Variants in ZNF782 observed in about 807,000 individuals in gnomAD.
ZNF782 encodes the protein zinc finger protein 782.
In ZNF782, 12 loss-of-function variants were observed where a neutral mutation model predicts 13.0. The ratio of observed to expected loss-of-function variants is 0.92; its 90% confidence interval spans 0.59 to 1.50. ZNF782 has a LOEUF of 1.50. Ranked by LOEUF, ZNF782 falls within the 40% of genes most tolerant of loss-of-function variation. ZNF782 has a pLI of 0.00. For synonymous variants in ZNF782, 284 were observed against 283.0 expected (o/e 1.00, Z -0.04); for missense variants, 770 against 822.9 (o/e 0.94, Z 0.79).
the ZNF782 span, chr9:96,933,558 G>A: frequency 2.0e-5 from 3 of 151,948 alleles, no homozygotes; most frequent in Non-Finnish European, 4.4e-5. Flanking sequence ...TTTTTTAGTA[G>A]AGACGGGGTT....
At chr9:96,915,638 TAAG>T in the ZNF782 span, among the ~76,000 whole-genome samples, 1 of 150,346 alleles carries the variant, frequency 6.7e-6, no homozygotes, top group Non-Finnish European at 1.5e-5. Context: ...AGCTGAGACT[TAAG>T]GAGGTGGCAT....
At chr9:96,863,268 A>G (rs1851723814) in intron 1 of ZNF782, among the ~76,000 whole-genome samples, 1 of 152,080 alleles carries the variant, frequency 6.6e-6, no homozygotes, top group African/African-American at 2.4e-5. Flanking sequence ...TTTCAGGAAC[A>G]TTACTAATTA....
At chr9:96,877,099 G>C (rs182636601), upstream of ZNF782, among the ~76,000 whole-genome samples, 230 of 151,714 alleles carry the variant, frequency 1.5e-3, 1 homozygote, top group African/African-American at 5.3e-3. Context: ...AGGGAAATAC[G>C]GTCATAATAT....
chr9:96,909,631 C>T, the ZNF782 span, among the ~76,000 whole-genome samples: 1 of 151,604 alleles, frequency 6.6e-6, no homozygotes, highest in African/African-American at 2.4e-5. Context: ...TTAGGAAAGC[C>T]TGAAAGTAAA....
chr9:96,895,411 C>T, the ZNF782 span: 9 of 152,252 alleles, frequency 5.9e-5, no homozygotes, highest in East Asian at 3.9e-4. Flanking sequence ...AAGTCTAACT[C>T]GAATCAAAAA....
At chr9:96,838,994 G>A (rs1307526669) in intron 4 of ZNF782, among the ~76,000 whole-genome samples, 7 of 152,150 alleles carry the variant, frequency 4.6e-5, no homozygotes, top group Middle Eastern at 3.4e-3. Context: ...GATTACAGTC[G>A]TGAGCCACAG....
intron 4 of ZNF782, among the ~76,000 whole-genome samples, chr9:96,839,666 C>T (rs185294255): frequency 1.3e-5 from 2 of 152,216 alleles, no homozygotes; most frequent in East Asian, 1.9e-4. Flanking sequence ...ACTCACCCCC[C>T]CCACCTGCTA....
At chr9:96,854,582 T>C (rs906413048), upstream of ZNF782, 5 of 152,236 alleles carry the variant, frequency 3.3e-5, no homozygotes, top group African/African-American at 1.2e-4. Flanking sequence ...CCAGACTCAT[T>C]CAGGACTACA....
chr9:96,885,813 CCCTT>C, the ZNF782 span, among the ~76,000 whole-genome samples: 36 of 151,496 alleles, frequency 2.4e-4, no homozygotes, highest in Admixed American at 6.6e-4. Flanking sequence ...TCCTTCCTTC[CCCTT>C]CCTTCCTTCC....
At chr9:96,927,802 C>T in the ZNF782 span, among the ~76,000 whole-genome samples, 1 of 148,928 alleles carries the variant, frequency 6.7e-6, no homozygotes, top group Non-Finnish European at 1.5e-5. Flanking sequence ...TAAATCTGGC[C>T]ACTATGTTCT....
At chr9:96,853,570 G>A (rs1851566539) in intron 1 of ZNF782, among the ~76,000 whole-genome samples, 1 of 152,166 alleles carries the variant, frequency 6.6e-6, no homozygotes, top group Admixed American at 6.5e-5. Context: ...CCCTGACAAT[G>A]CAGAAGGGGC....
chr9:96,918,803 C>G, the ZNF782 span: 3 of 170,000 alleles, frequency 1.8e-5, no homozygotes, highest in African/African-American at 7.2e-5. Context: ...AGGCTGAACT[C>G]AGCAGCTCAG....
intron 5 of ZNF782, among the ~76,000 whole-genome samples, chr9:96,824,444 T>C (rs1195375593): frequency 6.7e-6 from 1 of 150,142 alleles, no homozygotes; most frequent in African/African-American, 2.4e-5. Flanking sequence ...CCACAGCCAA[T>C]ATCATACTGA....
the ZNF782 span, among the ~76,000 whole-genome samples, chr9:96,918,061 G>A: frequency 2.0e-5 from 3 of 151,022 alleles, no homozygotes; most frequent in Non-Finnish European, 4.4e-5. Flanking sequence ...AATTTATTGC[G>A]CACATTTAAA....
At chr9:96,889,025 A>G in the ZNF782 span, 1 of 152,228 alleles carries the variant, frequency 6.6e-6, no homozygotes, top group Non-Finnish European at 1.5e-5. Flanking sequence ...GTCATCCAAC[A>G]TCTGCAGCCA....
intron 4 of ZNF782, among the ~76,000 whole-genome samples, chr9:96,843,281 C>A (rs544916125): frequency 1.3e-5 from 2 of 152,198 alleles, no homozygotes; most frequent in East Asian, 1.9e-4. Flanking sequence ...ATGGAAACAA[C>A]CAAAATGTCC....
chr9:96,903,696 G>A, the ZNF782 span, among the ~76,000 whole-genome samples: 1 of 150,144 alleles, frequency 6.7e-6, no homozygotes, highest in Non-Finnish European at 1.5e-5. Flanking sequence ...CCGAGTAGCT[G>A]TGACTACAGG....
rs557664406 is a variant in ZNF782, at chr9:96,817,560, A to G, written c.*363T>C. 1 of 180,358 alleles carries G rather than the reference A, an allele frequency of 5.5e-6. No individual in the cohort carries two copies. Among genetic ancestry groups the G allele is most frequent in the East Asian group, 1.5e-4 (1 of 6,618 alleles). 11.2% of individuals were successfully genotyped at this position (180,358 alleles called of 1,614,324 possible). A position where few individuals can be genotyped will look rare whatever the true frequency, so the allele number is the denominator to read the frequency against. ...CATTGTGTGATTTCTCTGATGGTGA[A>G]TGAGTTTTGATTGTTGGCACAAAGT... On this transcript the variant is annotated 3_prime_UTR_variant, in exon 6 of 6. Coordinates refer to ENST00000481138, the MANE Select transcript of ZNF782 (RefSeq NM_001001662.3).
chr9:96,854,252 G>A lies in ZNF782; in HGVS notation c.-426C>T, dbSNP rs1442399070. The A allele has an allele frequency of 3.3e-5, 5 of 152,312 alleles. No homozygotes were observed. Among genetic ancestry groups the A allele is most frequent in the African/African-American group, 4.8e-5 (2 of 41,442 alleles). 9.4% of individuals were successfully genotyped at this position (152,312 alleles called of 1,614,324 possible). On this transcript the variant is annotated 5_prime_UTR_variant, in exon 1 of 6. Coordinates refer to ENST00000481138, the MANE Select transcript of ZNF782 (RefSeq NM_001001662.3). ...GCGGCCCGCACCCGGCACCTGCTCC[G>A]GACCAACGCTCAGCCTCAGCCGCCC...
Sources: allele counts gnomAD v4.1 joint callset (sites outside exome capture counted in the v4.1 genomes callset), GRCh38; gene constraint gnomAD v4.1.1; transcripts MANE v1.5; gene names NCBI Gene and HGNC (gene_info 2026-07-23, HGNC 2026-07-21).